PDE4D: variants seen among roughly 807,000 people sequenced by gnomAD.
PDE4D encodes the protein phosphodiesterase 4D, also known as 3',5'-cyclic-AMP phosphodiesterase 4D.
A neutral mutation model predicts 87.4 loss-of-function variants in PDE4D; 24 were observed. The ratio of observed to expected loss-of-function variants is 0.27; its 90% CI spans 0.20 to 0.39. The LOEUF is 0.39. Among genes scored for constraint, PDE4D ranks in the 10% least tolerant of loss-of-function variants. The pLI, the probability that PDE4D is intolerant of heterozygous loss-of-function variation, is 1.00. For missense variants in PDE4D, 714 were observed against 1,041.0 expected, an observed-to-expected ratio of 0.69 and a Z score of 4.32; for synonymous variants, 384 against 383.2, an observed-to-expected ratio of 1.00 and a Z score of -0.02.
At chr5:59,418,671 C>T (rs1469542161) in intron 1 of PDE4D, among the ~76,000 whole-genome samples, 4 of 151,884 alleles carry the variant, frequency 2.6e-5, no homozygotes, top group Admixed American at 2.6e-4. Flanking sequence ...TTTTTTGAGA[C>T]AGAGTCTTAC....
intron 1 of PDE4D, among the ~76,000 whole-genome samples, chr5:59,864,684 G>A (rs1746758484): frequency 6.6e-6 from 1 of 152,148 alleles, no homozygotes; most frequent in Non-Finnish European, 1.5e-5. Context: ...GTTATTTCCT[G>A]TGTAGCTCTA....
intron 1 of PDE4D, among the ~76,000 whole-genome samples, chr5:59,865,400 A>C (rs961625014): frequency 1.3e-5 from 2 of 152,196 alleles, no homozygotes; most frequent in African/African-American, 4.8e-5. Context: ...ATTAAATCCC[A>C]GTTGAGCTAA....
chr5:60,282,836 C>A (rs528024111), intron 1 of PDE4D, among the ~76,000 whole-genome samples: 1 of 152,326 alleles, frequency 6.6e-6, no homozygotes, highest in East Asian at 1.9e-4. Context: ...ACTTCCCAGG[C>A]ATCTTTCTGC....
chr5:59,509,097 T>C (rs1174622925), intron 1 of PDE4D, among the ~76,000 whole-genome samples: 2 of 152,050 alleles, frequency 1.3e-5, no homozygotes, highest in East Asian at 1.9e-4. Flanking sequence ...AAGTAAACTT[T>C]TGAAAAACTC....
chr5:59,104,700 G>A (rs1771305819), intron 5 of PDE4D, among the ~76,000 whole-genome samples: 1 of 151,944 alleles, frequency 6.6e-6, no homozygotes, highest in Admixed American at 6.6e-5. Flanking sequence ...GGAAGGGGAG[G>A]GAGGAAAGAA....
At chr5:59,689,903 C>T (rs1018519825) in intron 1 of PDE4D, among the ~76,000 whole-genome samples, 34 of 152,236 alleles carry the variant, frequency 2.2e-4, no homozygotes, top group African/African-American at 7.9e-4. Flanking sequence ...GTGCAAAAAT[C>T]ACAAGCATTC....
intron 1 of PDE4D, among the ~76,000 whole-genome samples, chr5:59,252,465 CT>C (rs1760142534): frequency 6.6e-6 from 1 of 152,064 alleles, no homozygotes; most frequent in Non-Finnish European, 1.5e-5. Flanking sequence ...CCATGGATGC[CT>C]TGTAAATCTT....
chr5:59,439,176 T>A (rs7735649), intron 1 of PDE4D, among the ~76,000 whole-genome samples: 2 of 152,002 alleles, frequency 1.3e-5, no homozygotes, highest in Non-Finnish European at 2.9e-5. Flanking sequence ...TTGACCACCA[T>A]GGTGAAACCT....
chr5:59,392,157 T>C (rs961500897), intron 1 of PDE4D, among the ~76,000 whole-genome samples: 48 of 151,946 alleles, frequency 3.2e-4, no homozygotes, highest in African/African-American at 1.2e-3. Context: ...ATACAAAGTA[T>C]TGATCCTGGG....
rs1169504025 is a variant in PDE4D at position 59,396,606 on chromosome 5, C to T, written c.456-180638G>A. ...AGCGCTAAACATGGAAAGGAACAAC[C>T]GGTACCAGCCGCTGCAAAATCATGC... On this transcript the variant is annotated intron_variant, in intron 1 of 14. Coordinates refer to ENST00000340635, the MANE Select transcript of PDE4D (RefSeq NM_001104631.2). Among the ~76,000 whole-genome samples, 16 of 93,270 alleles carry T rather than the reference C, an allele frequency of 1.7e-4. 1 individual carries two copies. Among genetic ancestry groups the T allele is most frequent in the East Asian group, 3.4e-4 (1 of 2,954 alleles). The allele number at this position is 93,270 out of a possible 152,430, so 61.2% of individuals were successfully genotyped here.
intron 1 of PDE4D, among the ~76,000 whole-genome samples, chr5:59,522,481 G>C (rs1812415590): frequency 1.3e-5 from 2 of 152,162 alleles, no homozygotes; most frequent in Non-Finnish European, 1.5e-5. Context: ...TCAGTCCTGA[G>C]TTACTTCTGG....
intron 1 of PDE4D, among the ~76,000 whole-genome samples, chr5:59,773,011 T>C (rs1438474818): frequency 3.3e-5 from 5 of 152,194 alleles, no homozygotes; most frequent in Admixed American, 3.3e-4. Context: ...GCTACAAGGA[T>C]TAAATGTGTT....
At position 59,781,474 on chromosome 5, in the gene PDE4D, G is replaced by A. The variant is rs200841663; in HGVS notation, c.455+111694C>T. Among the ~76,000 whole-genome samples the A allele has an allele frequency of 2.6e-5, 4 of 152,038 alleles. No homozygotes were observed. The East Asian group carries it at 7.8e-4, about 30-fold the overall frequency. ...CATTTTCTTAATCAGTTTGTAGACA[G>A]TCAACACCATTAAACAAAAAATCAA... On this transcript the variant is annotated intron_variant, in intron 1 of 14. Coordinates refer to ENST00000340635, the MANE Select transcript of PDE4D (RefSeq NM_001104631.2).
intron 1 of PDE4D, among the ~76,000 whole-genome samples, chr5:59,418,458 T>A (rs1410589568): frequency 6.6e-6 from 1 of 152,186 alleles, no homozygotes; most frequent in East Asian, 1.9e-4. Context: ...GAATGCAAGC[T>A]GCAAGACCAA....
Position 60,482,909 on chromosome 5 carries a change from T to C in PDE4D, c.-90+5033A>G, listed in dbSNP as rs146414419. Among the ~76,000 whole-genome samples, 327 of 152,322 alleles carry C rather than the reference T, an allele frequency of 2.1e-3. 6 individuals carry two copies. The highest frequency in any genetic ancestry group is 0.016 in the Admixed American group (245 of 15,292). On this transcript the variant is annotated intron_variant, in intron 1 of 16. Coordinates refer to the PDE4D transcript ENST00000502484. ...ATAATTGTCCTAGCTGCAAAATATA[T>C]AGATGCTTATAAATTTTGTTTTAGC...
intron 3 of PDE4D, among the ~76,000 whole-genome samples, chr5:59,918,747 T>C (rs887397857): frequency 3.9e-5 from 6 of 152,118 alleles, no homozygotes; most frequent in African/African-American, 1.4e-4. Flanking sequence ...ACCGTCAGTC[T>C]TGCGGCTGCA....
intron 2 of PDE4D, among the ~76,000 whole-genome samples, chr5:60,105,206 G>C (rs565081461): frequency 6.6e-6 from 1 of 152,192 alleles, no homozygotes; most frequent in South Asian, 2.1e-4. Context: ...TGAGAACTAC[G>C]TGAAGAATGC....
chr5:59,646,690 A>G (rs1742499583), intron 1 of PDE4D, among the ~76,000 whole-genome samples: 1 of 152,214 alleles, frequency 6.6e-6, no homozygotes, highest in African/African-American at 2.4e-5. Context: ...CATATAAACT[A>G]GCAATGACAT....
At chr5:59,485,054 G>A (rs1304641447) in intron 1 of PDE4D, among the ~76,000 whole-genome samples, 2 of 152,280 alleles carry the variant, frequency 1.3e-5, no homozygotes, top group South Asian at 2.1e-4. Context: ...GGAAGACTAG[G>A]ATGTAATAGA....
Sources: gnomAD v4.1 joint callset for allele counts (sites outside exome capture counted in the v4.1 genomes callset) on GRCh38, gnomAD v4.1.1 for gene constraint, MANE v1.5 for transcripts, NCBI Gene and HGNC (gene_info 2026-07-23, HGNC 2026-07-21) for gene names.